Variants in IMMP2L observed in about 807,000 individuals in gnomAD.
IMMP2L encodes mitochondrial inner membrane protease subunit 2.
A neutral mutation model predicts 19.3 loss-of-function variants in IMMP2L; 18 were observed. That is an observed-to-expected ratio of 0.93 (90% CI 0.64 to 1.38). IMMP2L has a LOEUF of 1.38. Among genes scored for constraint, IMMP2L ranks in the 40% most tolerant of loss-of-function variants. IMMP2L has a pLI of 0.00. For missense variants in IMMP2L, 233 were observed against 218.2 expected (o/e 1.07, Z -0.43); for synonymous variants, 76 against 73.0 (o/e 1.04, Z -0.21).
intron 3 of IMMP2L, chr7:111,391,859 T>G: frequency 1.4e-6 from 1 of 702,484 alleles, no homozygotes; most frequent in Non-Finnish European, 2.6e-6. Flanking sequence ...TTGCCTCCAC[T>G]CTCCAGATGG....
chr7:110,959,744 C>T (rs1818735940), intron 4 of IMMP2L, among the ~76,000 whole-genome samples: 2 of 151,870 alleles, frequency 1.3e-5, no homozygotes. Context: ...CAGATAGACC[C>T]ATATGACCCT....
At chr7:111,010,195 T>C (rs895827114) in intron 3 of IMMP2L, among the ~76,000 whole-genome samples, 1 of 152,148 alleles carries the variant, frequency 6.6e-6, no homozygotes, top group Non-Finnish European at 1.5e-5. Context: ...CTGCTTCCTT[T>C]CTTAGTTATA....
intron 3 of IMMP2L, among the ~76,000 whole-genome samples, chr7:111,456,265 A>G (rs1389585915): frequency 1.3e-5 from 2 of 152,054 alleles, no homozygotes. Flanking sequence ...GGCAAACAAG[A>G]TGGTATCACA....
intron 3 of IMMP2L, among the ~76,000 whole-genome samples, chr7:111,164,868 T>C (rs1373865989): frequency 1.3e-5 from 2 of 152,082 alleles, no homozygotes; most frequent in Non-Finnish European, 2.9e-5. Context: ...GGTGTGGTTT[T>C]TGTAGCTTTC....
intron 3 of IMMP2L, among the ~76,000 whole-genome samples, chr7:111,267,407 T>C (rs1012676541): frequency 3.3e-5 from 5 of 152,180 alleles, no homozygotes; most frequent in African/African-American, 1.2e-4. Context: ...ATTTAACATT[T>C]GTTTCCCAGT....
At chr7:110,669,889 A>G (rs1347489556) in intron 5 of IMMP2L, among the ~76,000 whole-genome samples, 1 of 152,178 alleles carries the variant, frequency 6.6e-6, no homozygotes, top group Non-Finnish European at 1.5e-5. Context: ...ACTGTCCTTG[A>G]CAAATAAGAA....
intron 3 of IMMP2L, among the ~76,000 whole-genome samples, chr7:111,183,625 C>G (rs913096381): frequency 6.6e-6 from 1 of 152,054 alleles, no homozygotes; most frequent in African/African-American, 2.4e-5. Flanking sequence ...CTCAGACTTA[C>G]AGTCAGAAGT....
rs149155725 is a variant in IMMP2L at position 111,277,875 on chromosome 7, T to C, written c.239+209363A>G. The stretch of plus-strand genomic sequence containing the variant: ...AAGACTGGATAAAGAAAATGTAGTA[T>C]ATGTAACACTACATTATGCTATTCA... On this transcript the variant is annotated intron_variant, in intron 3 of 5. Transcript: ENST00000405709. 1.8e-3 allele frequency among the ~76,000 whole-genome samples: 272 copies of C among 152,284 alleles called. 11 individuals carry two copies. The East Asian group carries it at 0.037, about 21-fold the overall frequency.
chr7:110,909,549 CATCAGGCTAGGCT>C (rs1356249346), intron 4 of IMMP2L, among the ~76,000 whole-genome samples: 2 of 152,258 alleles, frequency 1.3e-5, no homozygotes, highest in East Asian at 3.9e-4. Flanking sequence ...GCCCAGGAAA[CATCAGGCTAGGCT>C]ATATTAAGGT....
chr7:110,806,666 A>C (rs1033469401), intron 5 of IMMP2L, among the ~76,000 whole-genome samples: 1 of 152,022 alleles, frequency 6.6e-6, no homozygotes, highest in African/African-American at 2.4e-5. Context: ...GGCAATTAAA[A>C]TGATAAAATA....
At chr7:110,681,559 C>T (rs966824851) in intron 5 of IMMP2L, among the ~76,000 whole-genome samples, 1 of 152,076 alleles carries the variant, frequency 6.6e-6, no homozygotes, top group African/African-American at 2.4e-5. Context: ...AGTAACTTGG[C>T]TACATCAATG....
intron 3 of IMMP2L, among the ~76,000 whole-genome samples, chr7:111,075,653 C>T (rs779661497): frequency 1.3e-5 from 2 of 152,212 alleles, no homozygotes; most frequent in African/African-American, 2.4e-5. Context: ...CCTCTGCTGG[C>T]TCTTCCATCT....
chr7:110,933,259 T>A (rs1012570048), intron 4 of IMMP2L, among the ~76,000 whole-genome samples: 1 of 152,160 alleles, frequency 6.6e-6, no homozygotes, highest in Non-Finnish European at 1.5e-5. Flanking sequence ...AGGCAGTGAT[T>A]AAACACTGGG....
At chr7:110,714,953 A>G (rs1384225639) in intron 5 of IMMP2L, among the ~76,000 whole-genome samples, 7 of 151,868 alleles carry the variant, frequency 4.6e-5, no homozygotes, top group Non-Finnish European at 7.4e-5. Flanking sequence ...GGAACTTGAT[A>G]TTGGTCTGTT....
chr7:110,719,010 C>A (rs1795406946), intron 5 of IMMP2L, among the ~76,000 whole-genome samples: 1 of 152,202 alleles, frequency 6.6e-6, no homozygotes, highest in South Asian at 2.1e-4. Context: ...CCCCTCCAAC[C>A]TATTCCCTGC....
chr7:110,686,400 A>G (rs954062133), intron 5 of IMMP2L, among the ~76,000 whole-genome samples: 30 of 151,784 alleles, frequency 2.0e-4, no homozygotes, highest in African/African-American at 7.3e-4. Flanking sequence ...AACACCTACC[A>G]CACTGCCAAT....
chr7:111,460,750 T>C (rs1049325948), intron 3 of IMMP2L, among the ~76,000 whole-genome samples: 1 of 152,090 alleles, frequency 6.6e-6, no homozygotes, highest in African/African-American at 2.4e-5. Flanking sequence ...TCTATGTTTT[T>C]ATCACAATTC....
chr7:110,741,410 G>A (rs1303874398), intron 5 of IMMP2L, among the ~76,000 whole-genome samples: 1 of 152,250 alleles, frequency 6.6e-6, no homozygotes, highest in African/African-American at 2.4e-5. Context: ...GCCTTTAGGA[G>A]GTAATTATGC....
chr7:110,921,515 G>A (rs1814280155), intron 4 of IMMP2L, among the ~76,000 whole-genome samples: 1 of 152,164 alleles, frequency 6.6e-6, no homozygotes, highest in African/African-American at 2.4e-5. Flanking sequence ...TTAGCCAATA[G>A]AGACAAGATG....
Sources: gnomAD v4.1 joint callset for allele counts (sites outside exome capture counted in the v4.1 genomes callset) on GRCh38, gnomAD v4.1.1 for gene constraint, MANE v1.5 for transcripts, NCBI Gene and HGNC (gene_info 2026-07-23, HGNC 2026-07-21) for gene names.